The following BRD10 variants were observed in gnomAD, a reference collection of about 807,000 sequenced individuals.
BRD10 encodes uncharacterized bromodomain-containing protein 10.
the BRD10 span, among the ~76,000 whole-genome samples, chr9:5,889,706 A>C: frequency 6.6e-6 from 1 of 151,864 alleles, no homozygotes; most frequent in East Asian, 1.9e-4. Flanking sequence ...AATTGCTTGA[A>C]CCTGGGAGGC....
chr9:5,958,272 T>C, the BRD10 span, among the ~76,000 whole-genome samples: 6 of 152,224 alleles, frequency 3.9e-5, no homozygotes, highest in African/African-American at 1.4e-4. Context: ...TTTTATACTG[T>C]AACTGAGGAA....
the BRD10 span, chr9:5,892,525 CG>C: frequency 6.2e-7 from 1 of 1,612,640 alleles, no homozygotes; most frequent in Admixed American, 1.7e-5. Context: ...AGAAGGGGCA[CG>C]GCCACTCTTA....
chr9:5,930,320 A>G, the BRD10 span, among the ~76,000 whole-genome samples: 2 of 150,374 alleles, frequency 1.3e-5, no homozygotes, highest in Non-Finnish European at 3.0e-5. Context: ...TATCTAGAGC[A>G]AAAACTATTA....
the BRD10 span, among the ~76,000 whole-genome samples, chr9:5,908,389 T>C: frequency 6.6e-6 from 1 of 152,172 alleles, no homozygotes; most frequent in African/African-American, 2.4e-5. Flanking sequence ...TCATGGAAAA[T>C]CTAGGTATAG....
chr9:5,892,576 G>A, the BRD10 span: 1 of 1,604,712 alleles, frequency 6.2e-7, no homozygotes, highest in Non-Finnish European at 8.5e-7. Flanking sequence ...AGACCCAGCA[G>A]GGCTTCCAGT....
At chr9:5,975,038 T>G in the BRD10 span, among the ~76,000 whole-genome samples, 1 of 152,176 alleles carries the variant, frequency 6.6e-6, no homozygotes, top group Non-Finnish European at 1.5e-5. Context: ...ATTTACAATG[T>G]TTGGCATTCA....
chr9:6,008,061 G>A, the BRD10 span: 5 of 981,354 alleles, frequency 5.1e-6, no homozygotes, highest in Non-Finnish European at 4.8e-6. Context: ...GCGCGCGCAC[G>A]GCCCTCGCCG....
chr9:5,885,333 T>A, the BRD10 span, among the ~76,000 whole-genome samples: 2 of 151,966 alleles, frequency 1.3e-5, no homozygotes, highest in African/African-American at 4.8e-5. Flanking sequence ...CCTTTCTCAA[T>A]GAACAACTTG....
At chr9:5,987,475 A>G in the BRD10 span, among the ~76,000 whole-genome samples, 1 of 152,040 alleles carries the variant, frequency 6.6e-6, no homozygotes, top group Non-Finnish European at 1.5e-5. Flanking sequence ...CTCCTTTCCT[A>G]TAGTAGGAGT....
At chr9:5,963,174 C>CA in the BRD10 span, among the ~76,000 whole-genome samples, 1 of 94,766 alleles carries the variant, frequency 1.1e-5, no homozygotes, top group Non-Finnish European at 2.2e-5. Context: ...TGTCTCAGCC[C>CA]AAAATCTCCT....
At chr9:5,929,264 T>C in the BRD10 span, 33 of 583,440 alleles carry the variant, frequency 5.7e-5, no homozygotes, top group African/African-American at 4.1e-4. Context: ...CATAAAAACG[T>C]ATTTCTTCTT....
the BRD10 span, chr9:5,921,892 A>T: frequency 1.2e-6 from 2 of 1,613,884 alleles, no homozygotes; most frequent in Non-Finnish European, 1.7e-6. Context: ...TAAGTTTGAG[A>T]TTTTTCCCCA....
the BRD10 span, among the ~76,000 whole-genome samples, chr9:5,980,379 G>A: frequency 3.3e-5 from 5 of 152,166 alleles, no homozygotes; most frequent in Non-Finnish European, 7.4e-5. Flanking sequence ...GCCATCACTC[G>A]CCATCTCCTT....
chr9:5,918,810 T>A, the BRD10 span, among the ~76,000 whole-genome samples: 1 of 73,788 alleles, frequency 1.4e-5, no homozygotes, highest in East Asian at 2.9e-4. Flanking sequence ...GGGCAACAGG[T>A]GAGTCAAAAA....
chr9:5,983,475 A>G, the BRD10 span, among the ~76,000 whole-genome samples: 63 of 152,348 alleles, frequency 4.1e-4, 1 homozygote, highest in East Asian at 0.012. Flanking sequence ...TAGGAGAAAA[A>G]CAACAGAAAG....
chr9:5,939,790 C>A, the BRD10 span, among the ~76,000 whole-genome samples: 3 of 152,284 alleles, frequency 2.0e-5, no homozygotes, highest in Admixed American at 1.3e-4. Flanking sequence ...AATGTCTGTG[C>A]ACTGTAGGAT....
the BRD10 span, among the ~76,000 whole-genome samples, chr9:5,925,071 G>GT: frequency 6.6e-6 from 1 of 152,080 alleles, no homozygotes; most frequent in Non-Finnish European, 1.5e-5. Flanking sequence ...AAAATTATAT[G>GT]TATCTGGCCA....
the BRD10 span, among the ~76,000 whole-genome samples, chr9:5,957,906 G>A: frequency 6.6e-6 from 1 of 152,106 alleles, no homozygotes; most frequent in African/African-American, 2.4e-5. Flanking sequence ...CATACTACCA[G>A]TGGGCTTCCC....
the BRD10 span, among the ~76,000 whole-genome samples, chr9:5,885,441 G>A: frequency 6.6e-6 from 1 of 151,104 alleles, no homozygotes; most frequent in African/African-American, 2.4e-5. Flanking sequence ...CTCGATCTCA[G>A]CTCACTGCAA....
Sources: gnomAD v4.1 joint callset for allele counts (sites outside exome capture counted in the v4.1 genomes callset) on GRCh38, gnomAD v4.1.1 for gene constraint, MANE v1.5 for transcripts, NCBI Gene and HGNC (gene_info 2026-07-23, HGNC 2026-07-21) for gene names.